The following WDR59 variants were observed in gnomAD, a reference collection of about 807,000 sequenced individuals.
WDR59 encodes WD repeat domain 59.
WDR59 carries 100 observed loss-of-function variants against 131.2 expected under a neutral mutation model. The ratio of observed to expected loss-of-function variants is 0.76; its 90% CI spans 0.65 to 0.90. The LOEUF (loss-of-function observed/expected upper bound fraction) is 0.90. Among genes scored for constraint, WDR59 ranks in the 40% least tolerant of loss-of-function variants. WDR59 has a pLI of 0.00. For synonymous variants in WDR59, 601 were observed against 466.2 expected (o/e 1.29, Z -3.72); for missense variants, 1,203 against 1,262.2 (o/e 0.95, Z 0.71).
intron 1 of WDR59, among the ~76,000 whole-genome samples, chr16:74,979,793 C>G (rs1281676995): frequency 6.7e-6 from 1 of 149,634 alleles, no homozygotes; most frequent in East Asian, 2.0e-4. Context: ...CCTGCCTCAG[C>G]CTCCCAAAGT....
In WDR59 at chr16:74,942,816, G is replaced by C. The variant is rs376432115; in HGVS notation, c.456C>G (p.Ser152=). 1.2e-6 allele frequency: 2 copies of C among 1,613,316 alleles called. No homozygotes were observed. Among genetic ancestry groups the C allele is most frequent in the African/African-American group, 1.3e-5 (1 of 74,872 alleles). ...CATTTTTTTTATTCCATTTGACCTG[G>C]GAGGCACCCGCTGCAAAGAAAAATC... is the stretch of plus-strand genomic sequence containing the variant. The part of the protein sequence containing the change: ...TVALSAVAGA[S]QVKWNKKNAN... The change falls in exon 7 of 26, where the codon TCC becomes TCG. Residue 152 remains serine (S), a synonymous_variant. Coordinates refer to ENST00000262144, the MANE Select transcript of WDR59 (RefSeq NM_030581.4).
At position 74,949,591 on chromosome 16, in the gene WDR59, C is replaced by G. The variant is rs763703648; in HGVS notation, c.407+127G>C. On this transcript the variant is annotated intron_variant, in intron 5 of 25. Transcript: ENST00000262144. Reference sequence around the variant, plus strand: ...CACTCTCAAATAATATATTTGCGCTCAAATCTCTCACTCAAACTTGTCTCG... The same window carrying G: ...CACTCTCAAATAATATATTTGCGCTGAAATCTCTCACTCAAACTTGTCTCG... 95 of 740,042 alleles carry G rather than the reference C, an allele frequency of 1.3e-4. 1 individual carries two copies. Among genetic ancestry groups the G allele is most frequent in the Middle Eastern group, 4.1e-4 (1 of 2,444 alleles). 45.8% of individuals were successfully genotyped at this position (740,042 alleles called of 1,614,324 possible). A position where few individuals can be genotyped will look rare whatever the true frequency, so the allele number is the denominator to read the frequency against.
chr16:74,874,607 CTT>C (rs935180628), intron 25 of WDR59, among the ~76,000 whole-genome samples, 163 bp from the exon 26 acceptor site: 23 of 151,796 alleles, frequency 1.5e-4, no homozygotes, highest in African/African-American at 5.3e-4. Context: ...TTTATTTTTT[CTT>C]TTTGAGACAG....
chr16:74,961,798 A>G (rs1242564516), intron 2 of WDR59, among the ~76,000 whole-genome samples: 1 of 152,142 alleles, frequency 6.6e-6, no homozygotes, highest in Admixed American at 6.6e-5. Context: ...GTTTAATCAG[A>G]TCCCATTTGT....
chr16:74,931,984 C>T (rs2031430386), intron 8 of WDR59, among the ~76,000 whole-genome samples: 1 of 151,712 alleles, frequency 6.6e-6, no homozygotes, highest in African/African-American at 2.4e-5. Context: ...ATAATATCAA[C>T]TTAAATTATA....
At chr16:74,938,319 T>A in intron 7 of WDR59, 53 bp from the exon 8 acceptor site, 3 of 1,282,482 alleles carry the variant, frequency 2.3e-6, no homozygotes, top group Non-Finnish European at 3.1e-6. Context: ...TCTTTGAGTG[T>A]CTATCACGTA....
chr16:74,880,922 C>A (rs990979942), intron 25 of WDR59, among the ~76,000 whole-genome samples: 5 of 152,158 alleles, frequency 3.3e-5, no homozygotes, highest in African/African-American at 1.2e-4. Context: ...GTAAATAAAA[C>A]TGGCCAAATA....
At chr16:74,890,501 A>AG (rs1213625163) in intron 20 of WDR59, among the ~76,000 whole-genome samples, 2 of 152,176 alleles carry the variant, frequency 1.3e-5, no homozygotes, top group Admixed American at 1.3e-4. Flanking sequence ...GTTGGCAGGG[A>AG]GGAAAAAAAA....
chr16:74,972,771 G>A (rs778330506), intron 1 of WDR59, among the ~76,000 whole-genome samples: 10 of 138,802 alleles, frequency 7.2e-5, no homozygotes, highest in African/African-American at 1.6e-4. Context: ...GCAGTGAGCC[G>A]AGATGGAGCC....
At chr16:74,887,273 T>C (rs563443824) in intron 23 of WDR59, among the ~76,000 whole-genome samples, 1 of 151,846 alleles carries the variant, frequency 6.6e-6, no homozygotes, top group South Asian at 2.1e-4. Context: ...GAAACACAAA[T>C]ACACCTTACT....
chr16:74,935,300 T>C (rs1245533737), intron 8 of WDR59, among the ~76,000 whole-genome samples: 2 of 152,076 alleles, frequency 1.3e-5, no homozygotes. Context: ...AGGCAGCAAT[T>C]TTGTGAAATA....
At chr16:74,905,668 C>T (rs140072548) in intron 17 of WDR59, among the ~76,000 whole-genome samples, 4,402 of 149,452 alleles carry the variant, frequency 0.029, 208 homozygotes, top group African/African-American at 0.1. Context: ...GGCAACAGAG[C>T]GAGATTCTGA....
Position 74,981,839 on chromosome 16 carries a change from A to C in WDR59, c.54+3125T>G, listed in dbSNP as rs557402482. 2.1e-4 allele frequency among the ~76,000 whole-genome samples: 29 copies of C among 141,212 alleles called. No individual in the cohort carries two copies. In the South Asian group the frequency reaches 6.0e-3, roughly 29 times the overall value. The allele number at this position is 141,212 out of a possible 152,430, so 92.6% of individuals were successfully genotyped here. A position where few individuals can be genotyped will look rare whatever the true frequency, so the allele number is the denominator to read the frequency against. ...GTCGGCTAATTTTTGTATCTTTAGT[A>C]GAGATAGGGTTTCACCATGTTGGCC... On this transcript the variant is annotated intron_variant, in intron 1 of 25. Coordinates refer to ENST00000262144, the MANE Select transcript of WDR59 (RefSeq NM_030581.4).
chr16:74,895,184 G>C (rs752731591), intron 18 of WDR59, among the ~76,000 whole-genome samples: 4 of 152,202 alleles, frequency 2.6e-5, no homozygotes, highest in Non-Finnish European at 5.9e-5. Flanking sequence ...AAGTTTAGCT[G>C]AAGTATCTGT....
chr16:74,969,572 G>C (rs909560650), intron 1 of WDR59, among the ~76,000 whole-genome samples: 1 of 135,210 alleles, frequency 7.4e-6, no homozygotes, highest in African/African-American at 2.5e-5. Context: ...CACCCGGCCT[G>C]TTTTTTTGTT....
chr16:74,914,732 T>A (rs771813435), intron 13 of WDR59, among the ~76,000 whole-genome samples: 20 of 152,024 alleles, frequency 1.3e-4, no homozygotes, highest in Non-Finnish European at 2.4e-4. Context: ...TAGCCGGGAC[T>A]ACAGGCGCAC....
intron 8 of WDR59, among the ~76,000 whole-genome samples, chr16:74,929,475 T>G (rs932639053): frequency 5.9e-5 from 9 of 152,130 alleles, no homozygotes; most frequent in Non-Finnish European, 1.3e-4. Flanking sequence ...AAAACTACAA[T>G]GAGATATCAT....
intron 14 of WDR59, among the ~76,000 whole-genome samples, chr16:74,910,294 G>C (rs1175333760): frequency 3.9e-5 from 6 of 152,130 alleles, no homozygotes; most frequent in Non-Finnish European, 7.4e-5. Flanking sequence ...CTGCAAAGTG[G>C]TCAGACACAA....
intron 1 of WDR59, among the ~76,000 whole-genome samples, chr16:74,974,031 A>T (rs1234191607): frequency 6.6e-6 from 1 of 152,144 alleles, no homozygotes; most frequent in African/African-American, 2.4e-5. Context: ...TTAGCTGGGC[A>T]TGGTGGCAGG....
Sources: gnomAD v4.1 joint callset for allele counts (sites outside exome capture counted in the v4.1 genomes callset) on GRCh38, gnomAD v4.1.1 for gene constraint, MANE v1.5 for transcripts, NCBI Gene and HGNC (gene_info 2026-07-23, HGNC 2026-07-21) for gene names.